The following POFUT3 variants were observed in gnomAD, a reference collection of about 807,000 sequenced individuals.
The protein encoded by POFUT3 is GDP-fucose protein O-fucosyltransferase 3.
At chr8:33,468,656 C>T in the POFUT3 span, among the ~76,000 whole-genome samples, 1 of 152,212 alleles carries the variant, frequency 6.6e-6, no homozygotes, top group Non-Finnish European at 1.5e-5. Context: ...CTCCTTTCAA[C>T]TACACCTCAA....
the POFUT3 span, chr8:33,436,375 C>T: frequency 3.6e-6 from 5 of 1,384,984 alleles, no homozygotes; most frequent in Middle Eastern, 1.8e-4. Context: ...TTCATGATGT[C>T]ACATTCAACG....
At chr8:33,418,779 G>A in the POFUT3 span, among the ~76,000 whole-genome samples, 2 of 152,122 alleles carry the variant, frequency 1.3e-5, no homozygotes, top group African/African-American at 4.8e-5. Flanking sequence ...CTGCACCCCC[G>A]TCTTTACTGC....
the POFUT3 span, among the ~76,000 whole-genome samples, chr8:33,392,562 G>C: frequency 1.1e-4 from 16 of 152,158 alleles, no homozygotes; most frequent in South Asian, 2.1e-4. Flanking sequence ...CTGGGTGACA[G>C]AGCGAGACTC....
chr8:33,466,935 T>C, the POFUT3 span, among the ~76,000 whole-genome samples: 1 of 152,042 alleles, frequency 6.6e-6, no homozygotes, highest in African/African-American at 2.4e-5. Flanking sequence ...TGAAGCCCTG[T>C]CTCTACTAAA....
chr8:33,340,452 A>C, the POFUT3 span, among the ~76,000 whole-genome samples: 2 of 152,022 alleles, frequency 1.3e-5, no homozygotes, highest in Non-Finnish European at 2.9e-5. Flanking sequence ...AAATTGCATC[A>C]AATATAAATG....
At chr8:33,342,104 C>T in the POFUT3 span, among the ~76,000 whole-genome samples, 11 of 152,032 alleles carry the variant, frequency 7.2e-5, no homozygotes, top group South Asian at 2.1e-4. Flanking sequence ...TGCTTGAACC[C>T]GGGAGGTGGA....
At chr8:33,464,071 T>G in the POFUT3 span, among the ~76,000 whole-genome samples, 2 of 152,174 alleles carry the variant, frequency 1.3e-5, no homozygotes, top group East Asian at 3.9e-4. Context: ...TAGATCCTCA[T>G]GAGGCCTAAT....
the POFUT3 span, among the ~76,000 whole-genome samples, chr8:33,357,986 C>T: frequency 9.2e-5 from 14 of 152,296 alleles, no homozygotes; most frequent in African/African-American, 3.1e-4. Flanking sequence ...GTGGCTCACA[C>T]CTGTAATCCC....
chr8:33,456,419 G>A, the POFUT3 span, among the ~76,000 whole-genome samples: 1 of 151,702 alleles, frequency 6.6e-6, no homozygotes, highest in Non-Finnish European at 1.5e-5. Context: ...GTGCAATGGC[G>A]TGATCTCAGC....
the POFUT3 span, among the ~76,000 whole-genome samples, chr8:33,379,656 C>T: frequency 6.6e-6 from 1 of 150,804 alleles, no homozygotes; most frequent in Non-Finnish European, 1.5e-5. Flanking sequence ...GCCAACATGG[C>T]GAAACCCTGT....
chr8:33,332,241 T>G, the POFUT3 span, among the ~76,000 whole-genome samples: 1 of 148,554 alleles, frequency 6.7e-6, no homozygotes, highest in African/African-American at 2.5e-5. Flanking sequence ...CCCACCACTT[T>G]GGGAGGCCGA....
the POFUT3 span, among the ~76,000 whole-genome samples, chr8:33,469,803 C>CT: frequency 0.79 from 86,274 of 108,566 alleles, 34,921 homozygotes; most frequent in East Asian, 0.88. Context: ...TTTACTTTTT[C>CT]TTTTTTTTTT....
At chr8:33,452,751 G>A in the POFUT3 span, 1 of 155,872 alleles carries the variant, frequency 6.4e-6, no homozygotes, top group Non-Finnish European at 1.4e-5. Context: ...GTATCAGGGA[G>A]GGAAATGGGA....
chr8:33,411,949 AG>A, the POFUT3 span, among the ~76,000 whole-genome samples: 1 of 152,152 alleles, frequency 6.6e-6, no homozygotes, highest in Non-Finnish European at 1.5e-5. Context: ...GTACTTGCCC[AG>A]GGGTTCACCA....
At chr8:33,309,331 G>T in the POFUT3 span, among the ~76,000 whole-genome samples, 2 of 144,698 alleles carry the variant, frequency 1.4e-5, no homozygotes, top group African/African-American at 2.7e-5. Flanking sequence ...TGGGATAAAG[G>T]TTGTTTATCC....
chr8:33,367,317 C>T, the POFUT3 span, among the ~76,000 whole-genome samples: 15 of 152,206 alleles, frequency 9.9e-5, no homozygotes, highest in African/African-American at 3.6e-4. Flanking sequence ...ATAGCATGAG[C>T]GATCTGTGCC....
the POFUT3 span, among the ~76,000 whole-genome samples, chr8:33,432,225 C>T: frequency 6.6e-6 from 1 of 152,016 alleles, no homozygotes; most frequent in Non-Finnish European, 1.5e-5. Flanking sequence ...GCCTGGTCAA[C>T]ATGGTGAAAC....
chr8:33,351,101 T>C, the POFUT3 span, among the ~76,000 whole-genome samples: 3 of 152,048 alleles, frequency 2.0e-5, no homozygotes, highest in African/African-American at 7.2e-5. Flanking sequence ...ATTACAGGTG[T>C]GCACCGCCAC....
the POFUT3 span, among the ~76,000 whole-genome samples, chr8:33,309,227 C>T: frequency 1.4e-5 from 2 of 138,458 alleles, no homozygotes; most frequent in East Asian, 4.1e-4. Flanking sequence ...TCCTTTCCCC[C>T]TTCCCATTGC....
Sources: allele counts gnomAD v4.1 joint callset (sites outside exome capture counted in the v4.1 genomes callset), GRCh38; gene constraint gnomAD v4.1.1; transcripts MANE v1.5; gene names NCBI Gene and HGNC (gene_info 2026-07-23, HGNC 2026-07-21).